The following ABCC11 variants were observed in gnomAD, a reference collection of about 807,000 sequenced individuals.
ABCC11 encodes the protein ATP-binding cassette sub-family C member 11.
A neutral mutation model predicts 149.3 loss-of-function variants in ABCC11; 135 were observed. The ratio of observed to expected loss-of-function variants is 0.90; its 90% CI spans 0.79 to 1.04. The LOEUF (loss-of-function observed/expected upper bound fraction) is 1.04. Among genes scored for constraint, ABCC11 ranks in the 50% least tolerant of loss-of-function variants. ABCC11 has a pLI of 0.00. For synonymous variants in ABCC11, 665 were observed against 671.4 expected (o/e 0.99, Z 0.15); for missense variants, 1,680 against 1,722.1 (o/e 0.98, Z 0.43).
At chr16:48,231,675 AAGAGAG>A in intron 2 of ABCC11, 142 bp downstream of exon 2, 2 of 817,646 alleles carry the variant, frequency 2.4e-6, no homozygotes, top group Non-Finnish European at 3.2e-6. Flanking sequence ...AAAAAAAAAA[AAGAGAG>A]AGAGAGAGAG....
intron 1 of ABCC11, among the ~76,000 whole-genome samples, chr16:48,238,105 A>C (rs1385232337): frequency 1.3e-5 from 2 of 152,190 alleles, no homozygotes; most frequent in African/African-American, 4.8e-5. Flanking sequence ...GGTGTTCAAA[A>C]AATATTTTTA....
At chr16:48,244,887 C>CT (rs1297500452) in intron 1 of ABCC11, among the ~76,000 whole-genome samples, 1 of 152,218 alleles carries the variant, frequency 6.6e-6, no homozygotes, top group African/African-American at 2.4e-5. Context: ...TTTGAATCCT[C>CT]TTCCCCCTCT....
chr16:48,224,053 T>TG (rs1969917358), intron 5 of ABCC11, among the ~76,000 whole-genome samples: 1 of 152,138 alleles, frequency 6.6e-6, no homozygotes, highest in Non-Finnish European at 1.5e-5. Context: ...AGCAGCTAAG[T>TG]GCCAGGGACA....
intron 17 of ABCC11, 54 bp from the exon 18 acceptor site, chr16:48,196,375 G>T: frequency 6.5e-7 from 1 of 1,534,302 alleles, no homozygotes; most frequent in Non-Finnish European, 9.0e-7. Context: ...CACATGATCT[G>T]CTTCCTTCTG....
intron 6 of ABCC11, among the ~76,000 whole-genome samples, chr16:48,217,043 G>A (rs1432441068): frequency 6.6e-6 from 1 of 152,016 alleles, no homozygotes; most frequent in African/African-American, 2.4e-5. Context: ...GATCTGGGCT[G>A]GACTCCTGTC....
At chr16:48,182,835 G>T (rs139890900) in intron 23 of ABCC11, among the ~76,000 whole-genome samples, 30 of 151,902 alleles carry the variant, frequency 2.0e-4, no homozygotes, top group Admixed American at 1.9e-3. Flanking sequence ...GTTTAAAGAG[G>T]CTCTGCCCAT....
intron 11 of ABCC11, chr16:48,210,417 T>C (rs1968820304): frequency 6.5e-6 from 1 of 153,056 alleles, no homozygotes. Flanking sequence ...ACATTTATCA[T>C]TATATATAGA....
At chr16:48,197,724 C>T (rs1361608676) in intron 17 of ABCC11, among the ~76,000 whole-genome samples, 1 of 152,196 alleles carries the variant, frequency 6.6e-6, no homozygotes, top group Non-Finnish European at 1.5e-5. Flanking sequence ...CCCTATCCTT[C>T]CTCTGATGTA....
rs116824428 is a variant in ABCC11, at chr16:48,244,279, C to A, written c.-19+3035G>T. On this transcript the variant is annotated intron_variant, in intron 1 of 29. Coordinates refer to ENST00000356608, the MANE Select transcript of ABCC11 (RefSeq NM_001370497.1). ...CCGGGGACGGACCGTAGCGCGTAGC[C>A]GGAAGCGGAGGCGTGGAGGCGGGTC... is the stretch of plus-strand genomic sequence containing the variant. The A allele has an allele frequency of 1.9e-3, 1,413 of 754,690 alleles. 15 individuals carry two copies. The African/African-American group carries it at 0.023, about 12-fold the overall frequency. The allele number at this position is 754,690 out of a possible 1,614,324, so 46.7% of individuals were successfully genotyped here. A position where few individuals can be genotyped will look rare whatever the true frequency, so the allele number is the denominator to read the frequency against.
At chr16:48,205,572 G>C (rs1390618240) in intron 12 of ABCC11, 35 bp from the exon 13 acceptor site, 1 of 1,609,388 alleles carries the variant, frequency 6.2e-7, no homozygotes, top group African/African-American at 1.3e-5. Flanking sequence ...AGGACCAATT[G>C]GGCCAAGGGA....
Position 48,192,540 on chromosome 16 carries a change from G to A in ABCC11, c.2686C>T (p.His896Tyr). 1 of 1,614,238 alleles carries A rather than the reference G, an allele frequency of 6.2e-7. No individual in the cohort carries two copies. Among genetic ancestry groups the A allele is most frequent in the Non-Finnish European group, 8.5e-7 (1 of 1,180,024 alleles). Residue 896 changes from histidine to tyrosine, a missense_variant, in exon 20 of 30, where the codon CAC (histidine) becomes TAC (tyrosine). His to Tyr is a moderately conservative substitution (Grantham distance 83). Coordinates refer to ENST00000356608, the MANE Select transcript of ABCC11 (RefSeq NM_001370497.1). The stretch of plus-strand genomic sequence containing the variant: ...CATACCTTGTTGAAGAGCTTGTTGT[G>A]CAGGGCCGTGGATGCCTTCCTCGTG... The part of the protein sequence containing the change: ...KVTRKASTAL[H>Y]NKLFNKVFRC...
At chr16:48,234,019 G>T (rs1325125153) in intron 1 of ABCC11, among the ~76,000 whole-genome samples, 6 of 152,188 alleles carry the variant, frequency 3.9e-5, no homozygotes, top group Non-Finnish European at 7.3e-5. Flanking sequence ...CCACACACTT[G>T]TACATTTAAT....
rs760834616 is a variant in ABCC11, at chr16:48,169,957, CTGTTGTTGTTGT to C, written c.3891+136_3891+147del. 3.1e-3 allele frequency: 1,786 copies of C among 570,848 alleles called. 10 individuals are homozygous for C. The highest frequency in any genetic ancestry group is 2.8e-3 in the Non-Finnish European group (886 of 321,404). The allele number at this position is 570,848 out of a possible 1,614,324, so 35.4% of individuals were successfully genotyped here. On this transcript the variant is annotated intron_variant, in intron 28 of 29. Coordinates refer to ENST00000356608, the MANE Select transcript of ABCC11 (RefSeq NM_001370497.1). ...TGAATAAGCCCTTTGGATTCTGTTGCTGTTGTTGTTGTTGTTGTTGTTGTTGTTAAGACGTAC... is the reference window on the plus strand; with the variant it reads ...TGAATAAGCCCTTTGGATTCTGTTGCTGTTGTTGTTGTTGTTAAGACGTAC...
At chr16:48,214,838 C>T (rs201800437) in intron 9 of ABCC11, 43 bp downstream of exon 9, 2 of 1,610,166 alleles carry the variant, frequency 1.2e-6, no homozygotes, top group Admixed American at 1.7e-5. Context: ...TGAGAAAATT[C>T]CCAATCATGA....
chr16:48,167,631 G>A lies in ABCC11; in HGVS notation c.3921C>T (p.Ser1307=). 1 of 1,614,180 alleles carries A rather than the reference G, an allele frequency of 6.2e-7. No homozygotes were observed. Among genetic ancestry groups the A allele is most frequent in the Non-Finnish European group, 8.5e-7 (1 of 1,180,024 alleles). The change falls in exon 29 of 30, where the codon TCC becomes TCT. Residue 1307 remains serine, a synonymous_variant. Transcript: ENST00000356608. ...KIILIDEATA[S]IDMETDTLIQ... ...TCAGGGTGTCTGTCTCCATGTCAAT[G>A]GAGGCTGTGGCTTCATCGATAAGGA...
At chr16:48,232,989 C>T (rs1274961041) in intron 1 of ABCC11, among the ~76,000 whole-genome samples, 1 of 152,128 alleles carries the variant, frequency 6.6e-6, no homozygotes, top group Non-Finnish European at 1.5e-5. Flanking sequence ...TGCTTGAGCT[C>T]AGGAGTTTGA....
At chr16:48,232,041 A>T in intron 1 of ABCC11, 102 bp from the exon 2 acceptor site, 1 of 1,541,180 alleles carries the variant, frequency 6.5e-7, no homozygotes, top group Non-Finnish European at 8.7e-7. Flanking sequence ...CCCTGCAGGG[A>T]GCATATTGGG....
At chr16:48,200,148 TG>T in intron 15 of ABCC11, 127 bp downstream of exon 15, 1 of 932,202 alleles carries the variant, frequency 1.1e-6, no homozygotes. Flanking sequence ...TCCCCAAATG[TG>T]GAGGAGTCTA....
chr16:48,192,756 G>A (rs1255362171), intron 19 of ABCC11, 39 bp from the exon 20 acceptor site: 1 of 1,601,028 alleles, frequency 6.2e-7, no homozygotes, highest in Non-Finnish European at 8.6e-7. Context: ...CAGGTGTCCG[G>A]GGGAAATTCA....
Sources: gnomAD v4.1 joint callset for allele counts (sites outside exome capture counted in the v4.1 genomes callset) on GRCh38, gnomAD v4.1.1 for gene constraint, MANE v1.5 for transcripts, NCBI Gene and HGNC (gene_info 2026-07-23, HGNC 2026-07-21) for gene names.